QRICH1: variants seen among roughly 807,000 people sequenced by gnomAD.
QRICH1 encodes transcriptional regulator QRICH1.
In QRICH1, 16 loss-of-function variants were observed where a neutral mutation model predicts 87.1. The observed-to-expected ratio is 0.18, with a 90% CI of 0.12 to 0.28. The LOEUF is 0.28. QRICH1 is among the 10% of genes least tolerant of loss of function. The pLI is 1.00. For synonymous variants in QRICH1, 367 were observed against 368.4 expected, an observed-to-expected ratio of 1.00 and a Z score of 0.05; for missense variants, 647 against 951.7, an observed-to-expected ratio of 0.68 and a Z score of 4.21.
At chr3:49,091,528 A>G (rs1358717958) in intron 1 of QRICH1, among the ~76,000 whole-genome samples, 1 of 152,206 alleles carries the variant, frequency 6.6e-6, no homozygotes, top group East Asian at 1.9e-4. Flanking sequence ...AATTTACAAG[A>G]AAATTAAACC....
intron 1 of QRICH1, among the ~76,000 whole-genome samples, chr3:49,078,674 C>T (rs1399634537): frequency 1.4e-5 from 2 of 140,638 alleles, no homozygotes; most frequent in Admixed American, 7.5e-5. Flanking sequence ...AGATTACAGG[C>T]GTGAGCCACC....
chr3:49,069,904 C>A (rs1426088392), intron 2 of QRICH1, among the ~76,000 whole-genome samples: 1 of 152,108 alleles, frequency 6.6e-6, no homozygotes, highest in East Asian at 1.9e-4. Context: ...AGTCTCTAGT[C>A]AATTCCCAAC....
chr3:49,084,304 G>A (rs764648424), intron 1 of QRICH1, among the ~76,000 whole-genome samples: 8 of 151,480 alleles, frequency 5.3e-5, no homozygotes, highest in Non-Finnish European at 1.0e-4. Context: ...CGCCCAGGCT[G>A]GAGCGTAGTG....
At chr3:49,034,981 A>G (rs189183648) in intron 6 of QRICH1, among the ~76,000 whole-genome samples, 141 of 152,350 alleles carry the variant, frequency 9.3e-4, no homozygotes, top group African/African-American at 3.2e-3. Flanking sequence ...TGCTCTTGCC[A>G]AAACAAAGCT....
chr3:49,051,138 T>G (rs2093367946), intron 3 of QRICH1, among the ~76,000 whole-genome samples: 1 of 152,142 alleles, frequency 6.6e-6, no homozygotes, highest in Non-Finnish European at 1.5e-5. Flanking sequence ...CACTATTCTG[T>G]CTACCCCAGA....
intron 1 of QRICH1, among the ~76,000 whole-genome samples, chr3:49,088,914 G>C (rs2042220912): frequency 6.6e-6 from 1 of 151,934 alleles, no homozygotes; most frequent in South Asian, 2.1e-4. Context: ...ATGAGGCACT[G>C]TGTTCCACCC....
chr3:49,088,037 T>C (rs565320178), intron 1 of QRICH1, among the ~76,000 whole-genome samples: 66 of 151,102 alleles, frequency 4.4e-4, no homozygotes, highest in Non-Finnish European at 8.4e-4. Flanking sequence ...CTGCAAGCTC[T>C]GTCTCCCGGG....
chr3:49,057,420 G>A lies in QRICH1; in HGVS notation c.780C>T (p.Ile260=), dbSNP rs777647113. The A allele has an allele frequency of 6.8e-6, 11 of 1,614,030 alleles. No individual in the cohort carries two copies. The highest frequency in any genetic ancestry group is 3.3e-5 in the Admixed American group (2 of 59,996). ...GCACGGTGGCCACCGGCTGCCCTGA[G>A]ATGGCGTAGGACACAGTGATGGGCA... is the stretch of plus-strand genomic sequence containing the variant. ...VDMPITVSYA[I]SGQPVATVLA... Residue 260 remains isoleucine (I), a synonymous_variant, in exon 3 of 10, where the codon ATC becomes ATT. Coordinates refer to ENST00000395443, the MANE Select transcript of QRICH1 (RefSeq NM_198880.3). This position sits in a 1 kb window ranked among gnomAD's most constrained non-coding sequence, Gnocchi z 5.4.
chr3:49,061,561 C>A (rs1356071900), intron 2 of QRICH1, among the ~76,000 whole-genome samples: 1 of 151,960 alleles, frequency 6.6e-6, no homozygotes, highest in Admixed American at 6.6e-5. Context: ...AACAAGAAGG[C>A]AGAAAATGAG....
chr3:49,087,463 T>C (rs2107039539), intron 1 of QRICH1, among the ~76,000 whole-genome samples: 1 of 151,190 alleles, frequency 6.6e-6, no homozygotes, highest in African/African-American at 2.4e-5. Flanking sequence ...GAGAATTACT[T>C]GAACCCGGGA....
chr3:49,087,818 CAAAAAAAAAA>C (rs58022360), intron 1 of QRICH1, among the ~76,000 whole-genome samples: 1 of 47,676 alleles, frequency 2.1e-5, no homozygotes, highest in Non-Finnish European at 3.4e-5. Context: ...AGGTTCATCT[CAAAAAAAAAA>C]AAAAAAAAAA....
intron 2 of QRICH1, among the ~76,000 whole-genome samples, chr3:49,064,234 ATTTTTTTTTT>A (rs1029737044): frequency 6.5e-5 from 6 of 92,320 alleles, no homozygotes; most frequent in African/African-American, 2.1e-4. Flanking sequence ...GCTGGCCCTA[ATTTTTTTTTT>A]TTTTTTTTTT....
rs200548775 is a variant in QRICH1, at chr3:49,052,851, CTG to C, written c.1338+4009_1338+4010del. 5.4e-3 allele frequency among the ~76,000 whole-genome samples: 827 copies of C among 152,292 alleles called. 3 individuals are homozygous for C. The highest frequency in any genetic ancestry group is 8.1e-3 in the Non-Finnish European group (550 of 68,014). ...GCTTTGGCCTTGTCACTTAATCTCT[CTG>C]TGCCTGAGTTTCCTCATCTGTAAAA... On this transcript the variant is annotated intron_variant, in intron 3 of 9. Transcript: ENST00000395443.
At chr3:49,069,996 C>T (rs1461488567) in intron 2 of QRICH1, among the ~76,000 whole-genome samples, 1 of 152,032 alleles carries the variant, frequency 6.6e-6, no homozygotes, top group African/African-American at 2.4e-5. Flanking sequence ...AGAACTGCCC[C>T]ACTTTCCCCA....
chr3:49,060,102 C>T (rs1442382860), intron 2 of QRICH1, among the ~76,000 whole-genome samples: 1 of 151,718 alleles, frequency 6.6e-6, no homozygotes, highest in Non-Finnish European at 1.5e-5. Context: ...CCAGGATGGT[C>T]TTGATCTCCT....
chr3:49,077,036 T>TG lies in QRICH1; in HGVS notation c.-20_-19insC. The TG allele has an allele frequency of 7.3e-7, 1 of 1,375,354 alleles. No individual in the cohort carries two copies. Among genetic ancestry groups the TG allele is most frequent in the Non-Finnish European group, 9.6e-7 (1 of 1,042,016 alleles). 85.2% of individuals were successfully genotyped at this position (1,375,354 alleles called of 1,614,324 possible). A position where few individuals can be genotyped will look rare whatever the true frequency, so the allele number is the denominator to read the frequency against. On this transcript the variant is annotated splice_region_variant and 5_prime_UTR_variant, in exon 2 of 10. Transcript: ENST00000395443. ...TATTCATATTGCAGAGTCCTTAGGG[T>TG]TCCTAGAAATAAACAGAAGTCAAAA...
rs2041992818 is a variant in QRICH1 at position 49,078,384 on chromosome 3, TC to T, written c.-21-1347del. Among the ~76,000 whole-genome samples the T allele has an allele frequency of 2.2e-5, 3 of 133,430 alleles. No homozygotes were observed. In the South Asian group the frequency reaches 7.8e-4, roughly 35 times the overall value. 87.5% of individuals were successfully genotyped at this position (133,430 alleles called of 152,430 possible). On this transcript the variant is annotated intron_variant, in intron 1 of 9. Transcript: ENST00000395443. ...AATGTGGAAAACGAAGAATTATGGTTCCTTTTTTTTTTTTTTTTTTTTTTTT... is the reference window on the plus strand; with the variant it reads ...AATGTGGAAAACGAAGAATTATGGTTCTTTTTTTTTTTTTTTTTTTTTTTT...
At chr3:49,049,717 CA>C (rs1250812761) in intron 3 of QRICH1, among the ~76,000 whole-genome samples, 1 of 150,988 alleles carries the variant, frequency 6.6e-6, no homozygotes, top group Non-Finnish European at 1.5e-5. Flanking sequence ...AGGCTGGTCT[CA>C]AACTCCCGAC....
intron 1 of QRICH1, among the ~76,000 whole-genome samples, chr3:49,079,872 T>C (rs2042024563): frequency 6.6e-6 from 1 of 151,992 alleles, no homozygotes; most frequent in Non-Finnish European, 1.5e-5. Context: ...CTACTAAAAA[T>C]ACAAAAATTA....
Sources: allele counts gnomAD v4.1 joint callset (sites outside exome capture counted in the v4.1 genomes callset), GRCh38; gene constraint gnomAD v4.1.1; non-coding constraint Gnocchi (gnomAD v3.1); transcripts MANE v1.5; gene names NCBI Gene and HGNC (gene_info 2026-07-23, HGNC 2026-07-21).